Variants in SALL4 observed in about 807,000 individuals in gnomAD.
SALL4 encodes sal-like protein 4.
SALL4 carries 4 observed loss-of-function variants against 60.8 expected under a neutral mutation model. That is an observed-to-expected ratio of 0.07 (90% CI 0.03 to 0.15). The LOEUF (loss-of-function observed/expected upper bound fraction) is 0.15. Ranked by LOEUF, SALL4 falls within the 10% of genes least tolerant of loss-of-function variation. The pLI, the probability that SALL4 is intolerant of heterozygous loss-of-function variation, is 1.00. For synonymous variants in SALL4, 580 were observed against 574.9 expected, an observed-to-expected ratio of 1.01 and a Z score of -0.13; for missense variants, 1,178 against 1,394.7, an observed-to-expected ratio of 0.84 and a Z score of 2.48.
rs1357911800 is a variant in SALL4, at chr20:51,790,094, T to A, written c.2389A>T (p.Ser797Cys). The A allele has an allele frequency of 6.2e-7, 1 of 1,614,102 alleles. No homozygotes were observed. Among genetic ancestry groups the A allele is most frequent in the East Asian group, 2.2e-5 (1 of 44,892 alleles). The change falls in exon 2 of 4, where the codon AGC becomes TGC. Residue 797 changes from serine (S) to cysteine (C), a missense_variant. By Grantham distance (112) the Ser-to-Cys change is moderately radical. Around this residue, in one of 5 missense-constraint regions of SALL4, gnomAD observed 853 missense variants for 1,036.8 expected, o/e 0.82. Transcript: ENST00000217086. This position sits in a 1 kb window ranked among gnomAD's most constrained non-coding sequence, Gnocchi z 5.5. Reference protein sequence around the residue: ...ALSPANSQAESIKSKSPDAGS... With the variant: ...ALSPANSQAECIKSKSPDAGS... ...GCATCGGGAGACTTTGACTTGATGC[T>A]TTCGGCTTGACTATTGGCCGGGGAG...
At chr20:51,785,196 G>A (rs889577413) in intron 3 of SALL4, among the ~76,000 whole-genome samples, 6 of 152,136 alleles carry the variant, frequency 3.9e-5, no homozygotes, top group African/African-American at 1.4e-4. Flanking sequence ...AGCTGCTCGC[G>A]AGGCTGAGGC....
At position 51,789,031 on chromosome 20, in the gene SALL4, A is replaced by G; in HGVS notation, c.2572T>C (p.Leu858=). Residue 858 remains leucine (L), a synonymous_variant, in exon 3 of 4, where the codon TTG becomes CTG. Coordinates refer to ENST00000217086, the MANE Select transcript of SALL4 (RefSeq NM_020436.5). ...PSTLSPGMTP[L]LAAQPRRQAK... The stretch of plus-strand genomic sequence containing the variant: ...TGTCGGCGTGGCTGGGCTGCTAACA[A>G]AGGGGTCATCCCTGGGGACAATGTC... 6.2e-7 allele frequency: 1 copy of G among 1,614,184 alleles called. No homozygotes were observed. The highest frequency in any genetic ancestry group is 1.3e-5 in the African/African-American group (1 of 75,052).
At chr20:51,798,584 G>A (rs939874487) in intron 1 of SALL4, among the ~76,000 whole-genome samples, 1 of 152,112 alleles carries the variant, frequency 6.6e-6, no homozygotes, top group Non-Finnish European at 1.5e-5. Context: ...ATGAGGAAGG[G>A]ACAACTTCTG....
In SALL4 at chr20:51,802,482, T is replaced by C; in HGVS notation, c.-74A>G. The C allele has an allele frequency of 6.2e-7, 1 of 1,605,016 alleles. No individual in the cohort carries two copies. Among genetic ancestry groups the C allele is most frequent in the Non-Finnish European group, 8.5e-7 (1 of 1,176,286 alleles). On this transcript the variant is annotated 5_prime_UTR_variant, in exon 1 of 4. Coordinates refer to ENST00000217086, the MANE Select transcript of SALL4 (RefSeq NM_020436.5). The stretch of plus-strand genomic sequence containing the variant: ...GCCACAAATTCCTGGAGTTGGGAAA[T>C]TTACCCCCCTTCGGCCGGAACGCGC...
Position 51,784,386 on chromosome 20 carries a change from G to A in SALL4, c.3041C>T (p.Ser1014Phe), listed in dbSNP as rs2077975604. 1.9e-6 allele frequency: 3 copies of A among 1,614,198 alleles called. No individual in the cohort carries two copies. Among genetic ancestry groups the A allele is most frequent in the Non-Finnish European group, 2.5e-6 (3 of 1,180,050 alleles). The change falls in exon 4 of 4, where the codon TCC becomes TTC. Residue 1014 changes from serine (S) to phenylalanine (F), a missense_variant. By Grantham distance (155) the Ser-to-Phe change is radical. Around this residue, in one of 5 missense-constraint regions of SALL4, gnomAD observed 174 missense variants for 169.6 expected, o/e 1.03. Transcript: ENST00000217086. ...ACCCGACTGGGAGCCATCCATCTTG[G>A]AGACAGTGGCGTTATTCACAACGGA... is the stretch of plus-strand genomic sequence containing the variant. Reference protein sequence around the residue: ...ATSVVNNATVSKMDGSQSGIS... With the variant: ...ATSVVNNATVFKMDGSQSGIS...
At chr20:51,802,180 G>T in intron 1 of SALL4, 99 bp downstream of exon 1, 1 of 1,422,354 alleles carries the variant, frequency 7.0e-7, no homozygotes, top group Non-Finnish European at 9.3e-7. Flanking sequence ...TCCTGAATTT[G>T]CGCTGGACGC....
intron 1 of SALL4, among the ~76,000 whole-genome samples, chr20:51,794,554 AAAAT>A (rs759765458): frequency 1.3e-5 from 2 of 152,186 alleles, no homozygotes; most frequent in Non-Finnish European, 2.9e-5. Context: ...TCCATCTCAA[AAAAT>A]AAATAAATAA....
In SALL4 at chr20:51,783,105, C is replaced by G. The variant is rs1051594162; in HGVS notation, c.*1160G>C. 6.6e-6 allele frequency: 1 copy of G among 152,138 alleles called. No homozygotes were observed. The highest frequency in any genetic ancestry group is 1.5e-5 in the Non-Finnish European group (1 of 68,020). 9.4% of individuals were successfully genotyped at this position (152,138 alleles called of 1,614,324 possible). ...GTGAACCTGTGATGGGAAACACGCC[C>G]TTCCACGAGTTTCTTCTCGAGCATG... On this transcript the variant is annotated 3_prime_UTR_variant, in exon 4 of 4. Coordinates refer to ENST00000217086, the MANE Select transcript of SALL4 (RefSeq NM_020436.5).
In SALL4 at chr20:51,792,156, A is replaced by T. The variant is rs1214905187; in HGVS notation, c.327T>A (p.Pro109=). 6.2e-7 allele frequency: 1 copy of T among 1,614,182 alleles called. No individual in the cohort carries two copies. Among genetic ancestry groups the T allele is most frequent in the South Asian group, 1.1e-5 (1 of 91,084 alleles). Residue 109 remains proline (P), a synonymous_variant, in exon 2 of 4, where the codon CCT becomes CCA. Coordinates refer to ENST00000217086, the MANE Select transcript of SALL4 (RefSeq NM_020436.5). Reference sequence around the variant, plus strand: ...CTCCGGAGAAGTCTTCTGAAGGCACAGGCCCCTCGCTGTCATTCATGATGA... The same window carrying T: ...CTCCGGAGAAGTCTTCTGAAGGCACTGGCCCCTCGCTGTCATTCATGATGA... ...PVLIMNDSEG[P]VPSEDFSGAV... is the part of the protein sequence containing the mutation.
chr20:51,795,741 T>A (rs2078075597), intron 1 of SALL4, among the ~76,000 whole-genome samples: 1 of 152,234 alleles, frequency 6.6e-6, no homozygotes, highest in African/African-American at 2.4e-5. Context: ...AATTTTCCTT[T>A]GACCCAGCAA....
Position 51,789,062 on chromosome 20 carries a change from T to C in SALL4, c.2541A>G (p.Gly847=). The part of the protein sequence containing the change: ...VKVEVPGTFV[G]PSTLSPGMTP... ...TCATCCCTGGGGACAATGTCGAGGG[T>C]CCCACAAATGTGCCAGGAACTTCAA... is the stretch of plus-strand genomic sequence containing the variant. Residue 847 remains glycine (G), a synonymous_variant, in exon 3 of 4, where the codon GGA becomes GGG. Transcript: ENST00000217086. 7 of 1,614,068 alleles carry C rather than the reference T, an allele frequency of 4.3e-6. No individual in the cohort carries two copies. The highest frequency in any genetic ancestry group is 5.9e-6 in the Non-Finnish European group (7 of 1,180,022).
chr20:51,794,861 C>G (rs1260148135), intron 1 of SALL4, among the ~76,000 whole-genome samples: 2 of 152,134 alleles, frequency 1.3e-5, no homozygotes, highest in African/African-American at 2.4e-5. Context: ...TATTGGAACC[C>G]TTCATTTGTA....
intron 3 of SALL4, among the ~76,000 whole-genome samples, chr20:51,785,349 CA>C (rs2077984513): frequency 1.3e-5 from 2 of 152,150 alleles, no homozygotes; most frequent in African/African-American, 4.8e-5. Context: ...TGTGATTGAG[CA>C]TGTACTGAAA....
intron 1 of SALL4, among the ~76,000 whole-genome samples, 182 bp from the exon 2 acceptor site, chr20:51,792,534 C>T (rs779625350): frequency 6.6e-6 from 1 of 151,594 alleles, no homozygotes; most frequent in South Asian, 2.1e-4. Flanking sequence ...ACTAAAAACA[C>T]AAAAATTAGC....
chr20:51,789,882 C>T (rs1953277440), intron 2 of SALL4, 140 bp downstream of exon 2: 2 of 1,001,648 alleles, frequency 2.0e-6, no homozygotes, highest in East Asian at 2.4e-5. Flanking sequence ...TTGCCCTCTA[C>T]CCAGAAGTAA....
At chr20:51,785,583 C>A (rs896048752) in intron 3 of SALL4, among the ~76,000 whole-genome samples, 47 of 152,204 alleles carry the variant, frequency 3.1e-4, no homozygotes, top group African/African-American at 1.0e-3. Flanking sequence ...CATGGGTGTA[C>A]CTATGTGAAA....
In SALL4 at chr20:51,790,159, C is replaced by T. The variant is rs776445985; in HGVS notation, c.2324G>A (p.Arg775Gln). Reference sequence around the variant, plus strand: ...TGTGGTTTCCAGGATATCTGGGCTTCGGCTCTGATACTCCTGGTCTCCCAT... The same window carrying T: ...TGTGGTTTCCAGGATATCTGGGCTTTGGCTCTGATACTCCTGGTCTCCCAT... The part of the protein sequence containing the change: ...SLMGDQEYQS[R>Q]SPDILETTSF... Residue 775 changes from arginine to glutamine, a missense_variant, in exon 2 of 4, where the codon CGA becomes CAA. Around this residue, in one of 5 missense-constraint regions of SALL4, gnomAD observed 853 missense variants for 1,036.8 expected, o/e 0.82. Transcript: ENST00000217086. The surrounding 1 kb of genome is among the most constrained non-coding windows in gnomAD (Gnocchi z 5.5). 1.7e-5 allele frequency: 28 copies of T among 1,614,116 alleles called. No individual in the cohort carries two copies. Among genetic ancestry groups the T allele is most frequent in the Non-Finnish European group, 2.2e-5 (26 of 1,180,036 alleles).
chr20:51,792,792 C>G (rs2078057150), intron 1 of SALL4: 1 of 1,059,424 alleles, frequency 9.4e-7, no homozygotes, highest in Admixed American at 5.0e-5. Context: ...CATTGCAACT[C>G]CGAACTTGGG....
At chr20:51,792,453 C>G in intron 1 of SALL4, 101 bp from the exon 2 acceptor site, 1 of 1,415,162 alleles carries the variant, frequency 7.1e-7, no homozygotes, top group Non-Finnish European at 9.8e-7. Flanking sequence ...CTTTGGGAGG[C>G]TGAGGTGGGC....
Sources: gnomAD v4.1 joint callset for allele counts (sites outside exome capture counted in the v4.1 genomes callset) on GRCh38, gnomAD v4.1.1 for gene constraint, gnomAD v4.1.1 regional missense constraint, Gnocchi (gnomAD v3.1) non-coding constraint, MANE v1.5 for transcripts, NCBI Gene and HGNC (gene_info 2026-07-23, HGNC 2026-07-21) for gene names.